DDX24: variants seen among roughly 807,000 people sequenced by gnomAD.
DDX24 encodes the protein DEAD-box helicase 24.
In DDX24, 24 loss-of-function variants were observed where a neutral mutation model predicts 68.9. The observed-to-expected ratio is 0.35, with a 90% CI of 0.25 to 0.49. The LOEUF is 0.49. DDX24 is among the 20% of genes least tolerant of loss of function. DDX24 has a pLI of 0.99. For synonymous variants in DDX24, 395 were observed against 385.2 expected (o/e 1.03, Z -0.30); for missense variants, 989 against 1,039.0 (o/e 0.95, Z 0.66).
At chr14:94,061,294 C>A (rs976531612) in intron 3 of DDX24, among the ~76,000 whole-genome samples, 4 of 152,092 alleles carry the variant, frequency 2.6e-5, no homozygotes, top group Non-Finnish European at 5.9e-5. Context: ...CTTTTCTACT[C>A]CCTCCCCTCC....
rs1237440190 is a variant in DDX24, at chr14:94,051,480, A to T, written c.2309-18T>A. The T allele has an allele frequency of 2.6e-5, 40 of 1,515,686 alleles. No individual in the cohort carries two copies. Among genetic ancestry groups the T allele is most frequent in the Non-Finnish European group, 3.5e-5 (40 of 1,135,016 alleles). 93.9% of individuals were successfully genotyped at this position (1,515,686 alleles called of 1,614,324 possible). ...TTTTCCTCCTTGAAACACAATACAA[A>T]AACGATCCTATTTACTATGGTTTGT... On this transcript the variant is annotated intron_variant, in intron 8 of 8. Transcript: ENST00000621632.
At chr14:94,051,596 G>T in intron 8 of DDX24, 134 bp from the exon 9 acceptor site, 2 of 1,198,346 alleles carry the variant, frequency 1.7e-6, no homozygotes, top group Non-Finnish European at 2.3e-6. Context: ...CTCTGAAGAA[G>T]CTAGTGGTGG....
At position 94,051,326 on chromosome 14, in the gene DDX24, C is replaced by T. The variant is rs774164236; in HGVS notation, c.2445G>A (p.Lys815=). The T allele has an allele frequency of 6.2e-7, 1 of 1,613,354 alleles. No homozygotes were observed. Among genetic ancestry groups the T allele is most frequent in the Non-Finnish European group, 8.5e-7 (1 of 1,179,886 alleles). ...QKTKYPTQSG[K]PPLLVSAPSK... ...TTGGGGCAGACACAAGCAGGGGCGG[C>T]TTGCCAGACTGAGTGGGATACTTGG... The change falls in exon 9 of 9, where the codon AAG becomes AAA. Residue 815 remains lysine (K), a synonymous_variant. Transcript: ENST00000621632.
intron 2 of DDX24, among the ~76,000 whole-genome samples, chr14:94,067,617 T>C (rs1015151724): frequency 1.3e-5 from 2 of 152,104 alleles, no homozygotes; most frequent in African/African-American, 2.4e-5. Flanking sequence ...GGAAAACCTA[T>C]CAGATTAACA....
Position 94,069,924 on chromosome 14 carries a change from AAGCATTCCCTCTG to A in DDX24, c.719-7316_719-7304del, listed in dbSNP as rs148543788. Among the ~76,000 whole-genome samples the A allele has an allele frequency of 7.5e-4, 115 of 152,318 alleles. 1 individual carries two copies. The highest frequency in any genetic ancestry group is 2.7e-3 in the African/African-American group (111 of 41,570). On this transcript the variant is annotated intron_variant, in intron 2 of 8. Coordinates refer to ENST00000621632, the MANE Select transcript of DDX24 (RefSeq NM_020414.4). ...ATAATACTGAATGGGGAAAAGGTGAAAGCATTCCCTCTGAGAACTGGAACAAGACAAGGATGCC... is the reference window on the plus strand; with the variant it reads ...ATAATACTGAATGGGGAAAAGGTGAAAGAACTGGAACAAGACAAGGATGCC...
Position 94,062,434 on chromosome 14 carries a change from A to G in DDX24, c.906T>C (p.Thr302=). The part of the protein sequence containing the change: ...EAESDALPDD[T]VIESEALPSD... Reference sequence around the variant, plus strand: ...TGGGCAGTGCTTCACTCTCAATTACAGTATCGTCAGGCAATGCATCAGACT... The same window carrying G: ...TGGGCAGTGCTTCACTCTCAATTACGGTATCGTCAGGCAATGCATCAGACT... The change falls in exon 3 of 9, where the codon ACT becomes ACC. Residue 302 remains threonine, a synonymous_variant. Transcript: ENST00000621632. 1 of 1,614,128 alleles carries G rather than the reference A, an allele frequency of 6.2e-7. No homozygotes were observed. The highest frequency in any genetic ancestry group is 8.5e-7 in the Non-Finnish European group (1 of 1,180,016).
At chr14:94,066,116 T>C (rs1885699952) in intron 2 of DDX24, among the ~76,000 whole-genome samples, 2 of 152,150 alleles carry the variant, frequency 1.3e-5, no homozygotes, top group Non-Finnish European at 2.9e-5. Flanking sequence ...GGGCAAGTTT[T>C]CAAGCCCTCC....
chr14:94,063,188 A>G (rs1416263320), intron 2 of DDX24, among the ~76,000 whole-genome samples: 1 of 152,260 alleles, frequency 6.6e-6, no homozygotes, highest in African/African-American at 2.4e-5. Flanking sequence ...TGCTTTCTCA[A>G]GGGAGAAACC....
chr14:94,068,463 A>C (rs139657122), intron 2 of DDX24, among the ~76,000 whole-genome samples: 1,563 of 152,354 alleles, frequency 0.01, 31 homozygotes, highest in African/African-American at 0.035. Flanking sequence ...ATCAAGACAG[A>C]AAGTCAACAA....
intron 6 of DDX24, 104 bp downstream of exon 6, chr14:94,057,718 C>T: frequency 9.2e-7 from 1 of 1,092,518 alleles, no homozygotes; most frequent in Non-Finnish European, 1.3e-6. Context: ...TTCTCTGATG[C>T]AAGAGCCTTG....
At chr14:94,080,664 C>T in intron 1 of DDX24, among the ~76,000 whole-genome samples, 1 of 151,940 alleles carries the variant, frequency 6.6e-6, no homozygotes, top group African/African-American at 2.4e-5. Flanking sequence ...CACGTTCGCA[C>T]ACAGTGCCCG....
chr14:94,073,831 C>G (rs1423059511), intron 2 of DDX24, among the ~76,000 whole-genome samples: 2 of 151,936 alleles, frequency 1.3e-5, no homozygotes, highest in African/African-American at 2.4e-5. Flanking sequence ...ATCACGAGGT[C>G]AGGAAATTGA....
intron 2 of DDX24, among the ~76,000 whole-genome samples, chr14:94,063,176 A>C (rs769307969): frequency 3.9e-5 from 6 of 152,256 alleles, no homozygotes; most frequent in Non-Finnish European, 8.8e-5. Context: ...GAAGCCAATA[A>C]ATGCTTTCTC....
intron 2 of DDX24, among the ~76,000 whole-genome samples, chr14:94,070,711 T>C (rs1361716125): frequency 1.3e-5 from 2 of 152,074 alleles, no homozygotes; most frequent in East Asian, 3.9e-4. Flanking sequence ...ACCCAAATAC[T>C]TACAGCCAAC....
Position 94,079,251 on chromosome 14 carries a change from C to T in DDX24, c.492G>A (p.Glu164=), listed in dbSNP as rs1169793601. 35 of 1,614,064 alleles carry T rather than the reference C, an allele frequency of 2.2e-5. No individual in the cohort carries two copies. The highest frequency in any genetic ancestry group is 2.6e-5 in the Non-Finnish European group (31 of 1,180,038). The part of the protein sequence containing the change: ...KKKNKGKKGL[E]PSQSTAAKVP... ...CCTTGGCAGCAGTGCTCTGAGAAGG[C>T]TCCAACCCTTTTTTCCCTTTATTTT... The change falls in exon 2 of 9, where the codon GAG becomes GAA. Residue 164 remains glutamate, a synonymous_variant. Transcript: ENST00000621632.
intron 1 of DDX24, among the ~76,000 whole-genome samples, chr14:94,080,903 A>G (rs1886073081): frequency 6.6e-6 from 1 of 152,102 alleles, no homozygotes; most frequent in Non-Finnish European, 1.5e-5. Flanking sequence ...GAAACCGAGA[A>G]GCCGAGAAGC....
rs1329961212 is a variant in DDX24, at chr14:94,049,996, G to C, written c.*1195C>G. On this transcript the variant is annotated 3_prime_UTR_variant, in exon 9 of 9. Transcript: ENST00000621632. ...AGAGAGGCTAGCTACTTAGATCTTGGGGTATCTTGGTCCCTTTGTGTATCC... is the reference window on the plus strand; with the variant it reads ...AGAGAGGCTAGCTACTTAGATCTTGCGGTATCTTGGTCCCTTTGTGTATCC... 3.3e-5 allele frequency: 5 copies of C among 152,182 alleles called. No individual in the cohort carries two copies. The East Asian group carries it at 9.6e-4, about 29-fold the overall frequency. The allele number at this position is 152,182 out of a possible 1,614,324, so 9.4% of individuals were successfully genotyped here.
chr14:94,057,941 T>G, intron 5 of DDX24, 44 bp from the exon 6 acceptor site: 1 of 1,582,730 alleles, frequency 6.3e-7, no homozygotes, highest in Non-Finnish European at 8.7e-7. Context: ...CTAACAGCTA[T>G]CTTTAATCAA....
intron 2 of DDX24, among the ~76,000 whole-genome samples, chr14:94,065,829 G>A (rs541329127): frequency 6.6e-6 from 1 of 152,328 alleles, no homozygotes; most frequent in Non-Finnish European, 1.5e-5. Flanking sequence ...GGTAGAAGAA[G>A]CAGCAGAAAG....
Sources: allele counts gnomAD v4.1 joint callset (sites outside exome capture counted in the v4.1 genomes callset), GRCh38; gene constraint gnomAD v4.1.1; transcripts MANE v1.5; gene names NCBI Gene and HGNC (gene_info 2026-07-23, HGNC 2026-07-21).